Variants in ZNF44 observed in about 807,000 individuals in gnomAD.
The protein encoded by ZNF44 is gonadotropin inducible transcription repressor-2.
In ZNF44, 9 loss-of-function variants were observed where a neutral mutation model predicts 11.7. That is an observed-to-expected ratio of 0.77 (90% CI 0.46 to 1.35). The LOEUF (loss-of-function observed/expected upper bound fraction) is 1.35, where lower values mean the gene tolerates loss of function less well. ZNF44 is among the 40% of genes most tolerant of loss of function. The probability of loss-of-function intolerance (pLI) is 0.00; values close to 1 mark genes in which losing one functional copy is unlikely to be tolerated. For missense variants in ZNF44, 696 were observed against 743.1 expected, an observed-to-expected ratio of 0.94 and a Z score of 0.74; for synonymous variants, 224 against 242.7, an observed-to-expected ratio of 0.92 and a Z score of 0.72.
exon 8 of ZNF44, chr19:12,248,392 T>C (rs1184745510): frequency 2.3e-6 from 3 of 1,291,100 alleles, no homozygotes; most frequent in Non-Finnish European, 2.0e-6. Context: ...TGTGTTCTTT[T>C]ATGTTTTTTA....
intron 1 of ZNF44, chr19:12,284,764 C>T: frequency 1.1e-6 from 1 of 913,254 alleles, no homozygotes; most frequent in East Asian, 2.6e-5. Context: ...ATCCGCGGGG[C>T]CATCATCCTG....
At chr19:12,235,782 C>G (rs1453517174) in intron 1 of ZNF44, among the ~76,000 whole-genome samples, 1 of 152,136 alleles carries the variant, frequency 6.6e-6, no homozygotes, top group East Asian at 1.9e-4. Flanking sequence ...GGCTGATATT[C>G]ACTAGATCCT....
chr19:12,227,922 C>T (rs1915988495), intron 3 of ZNF44, among the ~76,000 whole-genome samples: 1 of 152,110 alleles, frequency 6.6e-6, no homozygotes, highest in Non-Finnish European at 1.5e-5. Flanking sequence ...TTAATAAAAC[C>T]TTGTAGATGC....
intron 1 of ZNF44, chr19:12,293,139 G>A (rs755324857): frequency 7.1e-7 from 1 of 1,416,630 alleles, no homozygotes; most frequent in Non-Finnish European, 9.3e-7. Flanking sequence ...CAAAGTGCTG[G>A]GATTACAGGC....
Position 12,286,526 on chromosome 19 carries a change from C to T in ZNF44, c.3+8166G>A, listed in dbSNP as rs190554869. ...GCGGGTGCCTGTAGTCCTAGCTGCT[C>T]GGGAGGCTGAGGCAGAAAATTGCTT... On this transcript the variant is annotated intron_variant, in intron 1 of 3. Transcript: ENST00000355684. Among the ~76,000 whole-genome samples, 7 of 151,512 alleles carry T rather than the reference C, an allele frequency of 4.6e-5. No homozygotes were observed. The East Asian group carries it at 1.2e-3, about 25-fold the overall frequency.
upstream of ZNF44, among the ~76,000 whole-genome samples, chr19:12,238,624 C>CAAAAAAAAAAAAAAAAAAA (rs760047200): frequency 1.6e-5 from 1 of 62,668 alleles, no homozygotes. Context: ...GAGACTGTCT[C>CAAAAAAAAAAAAAAAAAAA]AAAAAAAAAA....
At chr19:12,268,131 TACAC>T (rs1230538619), downstream of ZNF44, among the ~76,000 whole-genome samples, 2 of 106,704 alleles carry the variant, frequency 1.9e-5, no homozygotes, top group East Asian at 2.2e-4. Context: ...TTGGTGTTCT[TACAC>T]ACACACACAG....
upstream of ZNF44, among the ~76,000 whole-genome samples, chr19:12,241,071 G>A (rs1568423263): frequency 6.6e-6 from 1 of 152,046 alleles, no homozygotes. Flanking sequence ...ACAAACCAAT[G>A]AGCCCATTCA....
chr19:12,288,774 GTATATATATATATATA>G (rs55971577), intron 1 of ZNF44, among the ~76,000 whole-genome samples: 34 of 76,816 alleles, frequency 4.4e-4, no homozygotes, highest in East Asian at 1.9e-3. Context: ...AAAAAAAAAT[GTATATATATATATATA>G]TATATATATA....
intron 2 of ZNF44, 23 bp from the exon 3 acceptor site, chr19:12,275,056 T>A: frequency 3.2e-6 from 5 of 1,538,704 alleles, no homozygotes; most frequent in Non-Finnish European, 4.4e-6. Context: ...TCCAGAAAAT[T>A]CACTATAAAT....
intron 1 of ZNF44, among the ~76,000 whole-genome samples, chr19:12,281,236 G>A (rs541025206): frequency 2.3e-4 from 35 of 152,174 alleles, no homozygotes; most frequent in African/African-American, 6.3e-4. Context: ...TAAAGTATGC[G>A]ATCAAATCAT....
At chr19:12,248,805 C>G in intron 7 of ZNF44, 1 of 481,316 alleles carries the variant, frequency 2.1e-6, no homozygotes, top group East Asian at 7.4e-5. Flanking sequence ...GTCTAAATTG[C>G]TTGTGAGGTG....
At chr19:12,285,413 G>A (rs1216181742) in intron 1 of ZNF44, among the ~76,000 whole-genome samples, 4 of 151,978 alleles carry the variant, frequency 2.6e-5, no homozygotes, top group Admixed American at 6.6e-5. Context: ...CCGCCACCAC[G>A]TCCGGATATT....
chr19:12,230,322 G>C (rs1331337737), intron 3 of ZNF44: 3 of 152,228 alleles, frequency 2.0e-5, no homozygotes, highest in African/African-American at 7.2e-5. Context: ...TCTTTCTAAA[G>C]AGGATGGTCA....
downstream of ZNF44, chr19:12,244,683 A>C (rs1916721086): frequency 6.6e-6 from 1 of 152,622 alleles, no homozygotes; most frequent in Admixed American, 6.5e-5. Context: ...CCTAAAAGAA[A>C]ACAGACTCCA....
chr19:12,250,923 A>C (rs1039293251), intron 5 of ZNF44: 9 of 411,568 alleles, frequency 2.2e-5, no homozygotes, highest in African/African-American at 1.9e-4. Context: ...ATTCAATCAA[A>C]ATATTTCTTT....
intron 1 of ZNF44, among the ~76,000 whole-genome samples, chr19:12,292,193 TG>T (rs1441871836): frequency 2.0e-5 from 3 of 151,664 alleles, no homozygotes; most frequent in African/African-American, 7.3e-5. Context: ...TAGGGCATGG[TG>T]GGCATTCCCA....
chr19:12,247,557 A>G (rs779039594), downstream of ZNF44: 1 of 1,346,518 alleles, frequency 7.4e-7, no homozygotes, highest in Non-Finnish European at 9.9e-7. Flanking sequence ...TCTTTCATGT[A>G]TCTGGAAACC....
chr19:12,224,979 T>C (rs1373490425), downstream of ZNF44: 3 of 152,238 alleles, frequency 2.0e-5, no homozygotes, highest in East Asian at 1.9e-4. Context: ...GAGATGTTAT[T>C]TGTGGTTTGT....
Sources: gnomAD v4.1 joint callset for allele counts (sites outside exome capture counted in the v4.1 genomes callset) on GRCh38, gnomAD v4.1.1 for gene constraint, MANE v1.5 for transcripts, NCBI Gene and HGNC (gene_info 2026-07-23, HGNC 2026-07-21) for gene names.